Variants in FBXL17 observed in about 807,000 individuals in gnomAD.
FBXL17 encodes the protein F-box and leucine rich repeat protein 17.
Under a neutral mutation model 66.2 loss-of-function variants are expected in FBXL17, and 22 were observed. The ratio of observed to expected loss-of-function variants is 0.33; its 90% CI spans 0.24 to 0.47. The LOEUF (loss-of-function observed/expected upper bound fraction) is 0.47. Among genes scored for constraint, FBXL17 ranks in the 20% least tolerant of loss-of-function variants. The probability of loss-of-function intolerance (pLI) is 1.00; values close to 1 mark genes in which losing one functional copy is unlikely to be tolerated. For missense variants in FBXL17, 878 were observed against 948.2 expected (o/e 0.93, Z 0.97); for synonymous variants, 474 against 400.5 (o/e 1.18, Z -2.19).
At chr5:108,108,323 C>T (rs1439197733) in intron 6 of FBXL17, among the ~76,000 whole-genome samples, 1 of 152,178 alleles carries the variant, frequency 6.6e-6, no homozygotes, top group East Asian at 1.9e-4. Context: ...TTATTCACTG[C>T]TGTAACTCCA....
intron 5 of FBXL17, among the ~76,000 whole-genome samples, chr5:108,222,895 G>A (rs1026108962): frequency 6.6e-6 from 1 of 151,784 alleles, no homozygotes; most frequent in Non-Finnish European, 1.5e-5. Context: ...GCTGATTTCA[G>A]ACTCCTGGCC....
At position 108,199,866 on chromosome 5, in the gene FBXL17, G is replaced by A. The variant is rs562881124; in HGVS notation, c.1615-13619C>T. ...AAAGGAAATTTCATTAAGGGAATTG[G>A]TTATTTTGGTGAAGGAGCAGCTAAG... On this transcript the variant is annotated intron_variant, in intron 5 of 8. Coordinates refer to ENST00000542267, the MANE Select transcript of FBXL17 (RefSeq NM_001163315.3). 3.3e-5 allele frequency among the ~76,000 whole-genome samples: 5 copies of A among 152,254 alleles called. No individual in the cohort carries two copies. In the South Asian group the frequency reaches 1.0e-3, roughly 32 times the overall value.
At chr5:108,139,244 T>G (rs1056611912) in intron 6 of FBXL17, among the ~76,000 whole-genome samples, 3 of 152,208 alleles carry the variant, frequency 2.0e-5, no homozygotes, top group Non-Finnish European at 4.4e-5. Flanking sequence ...TATTCCTGGA[T>G]AGGAAACATT....
intron 8 of FBXL17, among the ~76,000 whole-genome samples, chr5:107,877,692 C>G (rs73780445): frequency 0.022 from 3,321 of 152,124 alleles, 139 homozygotes; most frequent in African/African-American, 0.074. Context: ...CCATTCCTGA[C>G]CAAGGGGTTT....
At chr5:108,254,629 T>C (rs975619053) in intron 4 of FBXL17, among the ~76,000 whole-genome samples, 1 of 152,190 alleles carries the variant, frequency 6.6e-6, no homozygotes, top group African/African-American at 2.4e-5. Context: ...TAAAGAGTAA[T>C]AGATTTCTAT....
chr5:108,164,750 T>C (rs995003165), intron 6 of FBXL17, among the ~76,000 whole-genome samples: 1 of 152,156 alleles, frequency 6.6e-6, no homozygotes, highest in African/African-American at 2.4e-5. Flanking sequence ...ATTTTACAGA[T>C]GAGAAACAGG....
intron 4 of FBXL17, chr5:108,298,830 A>G: frequency 1.1e-6 from 1 of 896,314 alleles, no homozygotes; most frequent in South Asian, 5.1e-5. Flanking sequence ...ACAAAAAATA[A>G]AAACCTAACA....
chr5:108,204,382 A>C (rs1754024880), intron 5 of FBXL17, among the ~76,000 whole-genome samples: 1 of 151,864 alleles, frequency 6.6e-6, no homozygotes, highest in Admixed American at 6.6e-5. Context: ...GGGTCTTACT[A>C]TATTAATAGC....
Position 107,893,986 on chromosome 5 carries a change from T to G in FBXL17, c.1823-12807A>C, listed in dbSNP as rs184860809. On this transcript the variant is annotated intron_variant, in intron 7 of 8. Transcript: ENST00000542267. The stretch of plus-strand genomic sequence containing the variant: ...GGAATTTGGACATAACATTAACAGT[T>G]GTTAATACCAAGCAAATAGAGTAAA... 2.8e-3 allele frequency among the ~76,000 whole-genome samples: 420 copies of G among 152,288 alleles called. 1 individual carries two copies. Among genetic ancestry groups the G allele is most frequent in the African/African-American group, 9.8e-3 (408 of 41,568 alleles).
At chr5:108,374,830 A>G (rs550948027) in intron 1 of FBXL17, among the ~76,000 whole-genome samples, 46 of 152,314 alleles carry the variant, frequency 3.0e-4, no homozygotes, top group African/African-American at 1.1e-3. Flanking sequence ...ATAATTTGAA[A>G]TTAATGAAAA....
chr5:107,953,788 T>C (rs554968655), intron 7 of FBXL17, among the ~76,000 whole-genome samples: 12 of 152,334 alleles, frequency 7.9e-5, no homozygotes, highest in East Asian at 5.8e-4. Flanking sequence ...GTATAGCGAG[T>C]ACATTGAAAT....
chr5:108,159,329 G>C (rs149856307), intron 6 of FBXL17, among the ~76,000 whole-genome samples: 2 of 152,122 alleles, frequency 1.3e-5, no homozygotes, highest in East Asian at 3.9e-4. Context: ...GTAATAATCC[G>C]TTGATAGTGT....
intron 4 of FBXL17, among the ~76,000 whole-genome samples, chr5:108,288,247 G>C (rs188792845): frequency 6.6e-6 from 1 of 151,236 alleles, no homozygotes; most frequent in South Asian, 2.1e-4. Flanking sequence ...AACCGCACAT[G>C]TACCCCGAGC....
intron 6 of FBXL17, among the ~76,000 whole-genome samples, chr5:108,129,436 A>G (rs1026318086): frequency 1.7e-4 from 26 of 152,080 alleles, no homozygotes; most frequent in African/African-American, 6.0e-4. Flanking sequence ...ACAACCTACC[A>G]CTATCTGTTG....
chr5:108,374,821 T>G (rs1749308283), intron 1 of FBXL17, among the ~76,000 whole-genome samples: 1 of 151,818 alleles, frequency 6.6e-6, no homozygotes, highest in African/African-American at 2.4e-5. Flanking sequence ...AACTAGAAAA[T>G]AATTTGAAAT....
intron 7 of FBXL17, among the ~76,000 whole-genome samples, chr5:107,984,546 A>G (rs917270514): frequency 6.6e-5 from 10 of 152,132 alleles, no homozygotes; most frequent in Admixed American, 3.9e-4. Flanking sequence ...TATAGCATAC[A>G]CAGCATCCTT....
chr5:107,977,957 A>C (rs1752647332), intron 7 of FBXL17, among the ~76,000 whole-genome samples: 1 of 152,196 alleles, frequency 6.6e-6, no homozygotes. Flanking sequence ...CCCATGCCTA[A>C]GAAGGGAACA....
At chr5:108,273,840 G>A (rs957187893) in intron 4 of FBXL17, among the ~76,000 whole-genome samples, 3 of 151,808 alleles carry the variant, frequency 2.0e-5, no homozygotes, top group Non-Finnish European at 4.4e-5. Context: ...TAAGAACAAT[G>A]TAGCAAACCC....
chr5:108,030,764 CAA>C (rs755874671), intron 6 of FBXL17, among the ~76,000 whole-genome samples: 1 of 151,928 alleles, frequency 6.6e-6, no homozygotes, highest in Non-Finnish European at 1.5e-5. Context: ...TTATTATTTT[CAA>C]AAGTCATTAG....
Sources: gnomAD v4.1 joint callset for allele counts (sites outside exome capture counted in the v4.1 genomes callset) on GRCh38, gnomAD v4.1.1 for gene constraint, MANE v1.5 for transcripts, NCBI Gene and HGNC (gene_info 2026-07-23, HGNC 2026-07-21) for gene names.